The following GALNT2 variants were observed in gnomAD, a reference collection of about 807,000 sequenced individuals.
The protein encoded by GALNT2 is polypeptide N-acetylgalactosaminyltransferase 2.
GALNT2 carries 31 observed loss-of-function variants against 81.4 expected under a neutral mutation model. The observed-to-expected ratio is 0.38, with a 90% CI of 0.29 to 0.51. The LOEUF is 0.51. Ranked by LOEUF, GALNT2 falls within the 20% of genes least tolerant of loss-of-function variation. The pLI is 0.87. For synonymous variants in GALNT2, 303 were observed against 287.4 expected (o/e 1.05, Z -0.55); for missense variants, 629 against 765.7 (o/e 0.82, Z 2.11).
intron 1 of GALNT2, among the ~76,000 whole-genome samples, chr1:230,142,955 G>C (rs1349162516): frequency 6.6e-6 from 1 of 152,216 alleles, no homozygotes; most frequent in Non-Finnish European, 1.5e-5. Flanking sequence ...TTCCAGGAGA[G>C]CCATTTCCTT....
chr1:230,265,485 G>T (rs1666008677), intron 14 of GALNT2, 118 bp downstream of exon 14: 7 of 1,403,576 alleles, frequency 5.0e-6, no homozygotes, highest in Non-Finnish European at 6.9e-6. Flanking sequence ...TGTCTATGAG[G>T]AAGCACCTGG....
chr1:230,092,277 T>C (rs1660116165), intron 1 of GALNT2, among the ~76,000 whole-genome samples: 1 of 149,772 alleles, frequency 6.7e-6, no homozygotes, highest in Non-Finnish European at 1.5e-5. Context: ...TTCTAAATCA[T>C]CAGACTTGAG....
chr1:230,147,455 A>T (rs1427621951), intron 1 of GALNT2, among the ~76,000 whole-genome samples: 3 of 152,234 alleles, frequency 2.0e-5, no homozygotes, highest in African/African-American at 7.2e-5. Flanking sequence ...AGCCCCTGCC[A>T]CGGGACTGCT....
intron 1 of GALNT2, among the ~76,000 whole-genome samples, chr1:230,124,210 G>C (rs1661105663): frequency 6.6e-6 from 1 of 152,184 alleles, no homozygotes; most frequent in Non-Finnish European, 1.5e-5. Flanking sequence ...AGTACTGATA[G>C]GTACTTTCTG....
rs545949225 is a variant in GALNT2 at position 230,278,283 on chromosome 1, A to G, written c.1561-1020A>G. On this transcript the variant is annotated intron_variant, in intron 15 of 15. Transcript: ENST00000366672. Reference sequence around the variant, plus strand: ...CAGGCATGCACCACCATGCCCTGCTAATTTTTTTTAAAAAAAATGTTTGTA... The same window carrying G: ...CAGGCATGCACCACCATGCCCTGCTGATTTTTTTTAAAAAAAATGTTTGTA... Among the ~76,000 whole-genome samples, 18 of 151,792 alleles carry G rather than the reference A, an allele frequency of 1.2e-4. No individual in the cohort carries two copies. The South Asian group carries it at 2.1e-3, about 18-fold the overall frequency.
In GALNT2 at chr1:230,156,531, C is replaced by T. The variant is rs148346988; in HGVS notation, c.127-21687C>T. 1.4e-3 allele frequency among the ~76,000 whole-genome samples: 214 copies of T among 152,184 alleles called. 1 individual carries two copies. The highest frequency in any genetic ancestry group is 4.9e-3 in the African/African-American group (204 of 41,508). On this transcript the variant is annotated intron_variant, in intron 1 of 15. Transcript: ENST00000366672. ...ATTGATTATTCCTTCATAAAGTTGCCAGCATTTTCAACATGCTTCCTAGAT... is the reference window on the plus strand; with the variant it reads ...ATTGATTATTCCTTCATAAAGTTGCTAGCATTTTCAACATGCTTCCTAGAT...
At chr1:230,174,349 C>T (rs1343687819) in intron 1 of GALNT2, among the ~76,000 whole-genome samples, 1 of 152,222 alleles carries the variant, frequency 6.6e-6, no homozygotes, top group Non-Finnish European at 1.5e-5. Flanking sequence ...GAGTGGTCTC[C>T]CTCCTGCTCA....
At chr1:230,090,194 A>G (rs1660024431) in intron 1 of GALNT2, among the ~76,000 whole-genome samples, 1 of 152,220 alleles carries the variant, frequency 6.6e-6, no homozygotes. Context: ...GAATGAATGT[A>G]ATTTCCAAGG....
chr1:230,160,380 C>G (rs915418841), intron 1 of GALNT2, among the ~76,000 whole-genome samples: 9 of 152,156 alleles, frequency 5.9e-5, no homozygotes, highest in African/African-American at 2.2e-4. Flanking sequence ...TTGCACTCAC[C>G]TCTGATCTCT....
chr1:230,279,163 C>G lies in GALNT2; in HGVS notation c.1561-140C>G. Reference sequence around the variant, plus strand: ...TCCTGTGGGGCTGCTGCAAGCTCCTCGGCCGTTCAGATGAGAGGCTGGGAA... The same window carrying G: ...TCCTGTGGGGCTGCTGCAAGCTCCTGGGCCGTTCAGATGAGAGGCTGGGAA... On this transcript the variant is annotated intron_variant, in intron 15 of 15. Coordinates refer to ENST00000366672, the MANE Select transcript of GALNT2 (RefSeq NM_004481.5). This position sits in a 1 kb window ranked among gnomAD's most constrained non-coding sequence, Gnocchi z 4.6. The G allele has an allele frequency of 1.1e-6, 1 of 873,800 alleles. No homozygotes were observed. The highest frequency in any genetic ancestry group is 1.7e-6 in the Non-Finnish European group (1 of 585,170). 54.1% of individuals were successfully genotyped at this position (873,800 alleles called of 1,614,324 possible). A position where few individuals can be genotyped will look rare whatever the true frequency, so the allele number is the denominator to read the frequency against.
chr1:230,220,644 A>G (rs938737848), intron 3 of GALNT2, among the ~76,000 whole-genome samples: 1 of 152,116 alleles, frequency 6.6e-6, no homozygotes, highest in Non-Finnish European at 1.5e-5. Flanking sequence ...CAGTTAACCC[A>G]GTTGACTGTA....
intron 1 of GALNT2, among the ~76,000 whole-genome samples, chr1:230,090,434 G>A (rs555577357): frequency 7.3e-4 from 111 of 152,280 alleles, no homozygotes; most frequent in African/African-American, 2.5e-3. Context: ...CTCTGCAAAT[G>A]CCGTGTGAAG....
At chr1:230,258,290 C>G (rs1376001557) in intron 11 of GALNT2, among the ~76,000 whole-genome samples, 1 of 151,096 alleles carries the variant, frequency 6.6e-6, no homozygotes, top group African/African-American at 2.4e-5. Flanking sequence ...AGTGCAATGG[C>G]GTGATCTCAG....
intron 11 of GALNT2, among the ~76,000 whole-genome samples, chr1:230,256,055 G>A (rs1389962124): frequency 6.6e-6 from 1 of 152,054 alleles, no homozygotes; most frequent in East Asian, 1.9e-4. Flanking sequence ...AGCAAGAGGG[G>A]GCCAAATTCT....
At chr1:230,259,853 G>A (rs1362399521) in intron 11 of GALNT2, 1 of 152,236 alleles carries the variant, frequency 6.6e-6, no homozygotes, top group Non-Finnish European at 1.5e-5. Flanking sequence ...ATCTGTGGCT[G>A]ATTTGTTAGT....
chr1:230,246,291 G>A (rs905057171), intron 8 of GALNT2, 141 bp downstream of exon 8: 4 of 677,080 alleles, frequency 5.9e-6, no homozygotes, highest in Non-Finnish European at 1.1e-5. Flanking sequence ...CCACCTGTGT[G>A]CTTAACGAGT....
chr1:230,154,501 G>A (rs1335541312), intron 1 of GALNT2, among the ~76,000 whole-genome samples: 1 of 152,176 alleles, frequency 6.6e-6, no homozygotes, highest in Non-Finnish European at 1.5e-5. Flanking sequence ...AGTATTATGG[G>A]ACAATGAAGC....
chr1:230,115,040 C>G (rs1660805609), intron 1 of GALNT2, among the ~76,000 whole-genome samples: 1 of 146,060 alleles, frequency 6.8e-6, no homozygotes, highest in African/African-American at 2.6e-5. Context: ...GAGTCTCACT[C>G]TGTCACCCAG....
In GALNT2 at chr1:230,246,427, G is replaced by A. The variant is rs538129673; in HGVS notation, c.817+277G>A. The stretch of plus-strand genomic sequence containing the variant: ...ATGTGGTTCCATGAACAGATATGGC[G>A]TCCTTTATGACCAGAGATGATGAAG... On this transcript the variant is annotated intron_variant, in intron 8 of 15. Transcript: ENST00000366672. 3.9e-5 allele frequency among the ~76,000 whole-genome samples: 6 copies of A among 152,258 alleles called. No individual in the cohort carries two copies. The South Asian group carries it at 8.3e-4, about 21-fold the overall frequency.
Sources: gnomAD v4.1 joint callset for allele counts (sites outside exome capture counted in the v4.1 genomes callset) on GRCh38, gnomAD v4.1.1 for gene constraint, Gnocchi (gnomAD v3.1) non-coding constraint, MANE v1.5 for transcripts, NCBI Gene and HGNC (gene_info 2026-07-23, HGNC 2026-07-21) for gene names.